Variants in TMC7 observed in about 807,000 individuals in gnomAD.
TMC7 encodes transmembrane channel-like protein 7.
In TMC7, 54 loss-of-function variants were observed where a neutral mutation model predicts 82.9. The observed-to-expected ratio is 0.65, with a 90% CI of 0.52 to 0.82. TMC7 has a LOEUF of 0.82. Among genes scored for constraint, TMC7 ranks in the 40% least tolerant of loss-of-function variants. The pLI, the probability that TMC7 is intolerant of heterozygous loss-of-function variation, is 0.00. For synonymous variants in TMC7, 350 were observed against 337.9 expected, an observed-to-expected ratio of 1.04 and a Z score of -0.39; for missense variants, 820 against 901.2, an observed-to-expected ratio of 0.91 and a Z score of 1.15.
In TMC7 at chr16:19,063,700, T is replaced by C. The variant is rs995779689; in HGVS notation, c.*1857T>C. ...TGTGTGTGTGTGTGTGTGTGTGTGATGAACACAACGAAAACGTACTGCGTT... is the reference window on the plus strand; with the variant it reads ...TGTGTGTGTGTGTGTGTGTGTGTGACGAACACAACGAAAACGTACTGCGTT... On this transcript the variant is annotated 3_prime_UTR_variant, in exon 16 of 16. Transcript: ENST00000304381. The C allele has an allele frequency of 7.1e-6, 1 of 140,836 alleles. No individual in the cohort carries two copies. Among genetic ancestry groups the C allele is most frequent in the African/African-American group, 2.6e-5 (1 of 38,448 alleles). The allele number at this position is 140,836 out of a possible 1,614,324, so 8.7% of individuals were successfully genotyped here. A position where few individuals can be genotyped will look rare whatever the true frequency, so the allele number is the denominator to read the frequency against.
intron 15 of TMC7, among the ~76,000 whole-genome samples, chr16:19,061,114 C>A (rs988787095): frequency 6.6e-6 from 1 of 151,964 alleles, no homozygotes; most frequent in African/African-American, 2.4e-5. Context: ...AGCAATTCTC[C>A]TGCCTCAGCA....
intron 8 of TMC7, among the ~76,000 whole-genome samples, chr16:19,039,092 CTTTTT>C (rs376747652): frequency 7.7e-6 from 1 of 130,450 alleles, no homozygotes; most frequent in Non-Finnish European, 1.6e-5. Context: ...TTTCTTTTTT[CTTTTT>C]TTTTTTTTTT....
chr16:19,015,441 G>A (rs1959635442), intron 2 of TMC7, among the ~76,000 whole-genome samples: 1 of 151,854 alleles, frequency 6.6e-6, no homozygotes, highest in Non-Finnish European at 1.5e-5. Context: ...ATTCCTTTCT[G>A]AGGTTGAATA....
intron 1 of TMC7, among the ~76,000 whole-genome samples, chr16:18,997,359 AGCCACCGTGCCTG>A (rs2039061009): frequency 1.3e-5 from 2 of 151,924 alleles, no homozygotes; most frequent in Admixed American, 6.6e-5. Flanking sequence ...TACAGGTATG[AGCCACCGTGCCTG>A]GCCTTTTTAT....
Position 19,035,817 on chromosome 16 carries a change from G to C in TMC7, c.999G>C (p.Glu333Asp). ...TGAAGCACAGCAGCTTGCGGTACGA[G>C]CTCCGAGTGAGTGCTCCTGAGTTTG... ...ADLKHSSLRY[E>D]LRADLEEERM... The change falls in exon 7 of 16, where the codon GAG (glutamate) becomes GAC (aspartate). Residue 333 changes from glutamate to aspartate, a missense_variant. Transcript: ENST00000304381. 1.9e-6 allele frequency: 3 copies of C among 1,582,958 alleles called. No individual in the cohort carries two copies. Among genetic ancestry groups the C allele is most frequent in the Non-Finnish European group, 2.6e-6 (3 of 1,164,378 alleles).
At chr16:19,042,154 G>C (rs887958411) in intron 9 of TMC7, among the ~76,000 whole-genome samples, 2 of 151,584 alleles carry the variant, frequency 1.3e-5, no homozygotes, top group African/African-American at 4.8e-5. Context: ...GAGGGCGTGG[G>C]TTCGCTCTTT....
chr16:19,015,930 G>A (rs957825120), intron 2 of TMC7, among the ~76,000 whole-genome samples: 1 of 152,088 alleles, frequency 6.6e-6, no homozygotes, highest in African/African-American at 2.4e-5. Context: ...ATGTACCTAG[G>A]AGTGGAACTA....
At chr16:19,032,485 G>T (rs1274357103) in intron 6 of TMC7, among the ~76,000 whole-genome samples, 2 of 151,602 alleles carry the variant, frequency 1.3e-5, no homozygotes, top group East Asian at 1.9e-4. Context: ...GGACCTACAG[G>T]GTAGACAATT....
intron 2 of TMC7, chr16:19,012,357 A>G (rs1250183907): frequency 1.3e-5 from 2 of 152,160 alleles, no homozygotes; most frequent in South Asian, 2.1e-4. Context: ...TTACTGCTCT[A>G]TGCCAAACTC....
intron 13 of TMC7, among the ~76,000 whole-genome samples, chr16:19,053,845 CT>C (rs1298620150): frequency 7.1e-6 from 1 of 140,282 alleles, no homozygotes. Flanking sequence ...TGTGTCTTTT[CT>C]TTCTTTTTTT....
chr16:19,029,343 T>A (rs888836520), intron 5 of TMC7, among the ~76,000 whole-genome samples: 23 of 152,092 alleles, frequency 1.5e-4, no homozygotes, highest in Non-Finnish European at 2.8e-4. Context: ...AGTCCTAATG[T>A]TTTATTCTTT....
At chr16:19,053,855 T>C (rs1269779989) in intron 13 of TMC7, among the ~76,000 whole-genome samples, 4 of 151,696 alleles carry the variant, frequency 2.6e-5, no homozygotes, top group South Asian at 4.2e-4. Context: ...CTTTCTTTTT[T>C]TTTTTTTTTT....
intron 13 of TMC7, among the ~76,000 whole-genome samples, chr16:19,052,554 T>A (rs1596795540): frequency 6.6e-6 from 1 of 152,144 alleles, no homozygotes; most frequent in African/African-American, 2.4e-5. Context: ...GGCTCACACC[T>A]GTAATCCAAC....
chr16:18,984,936 T>G (rs984177851), intron 1 of TMC7, among the ~76,000 whole-genome samples: 2 of 152,212 alleles, frequency 1.3e-5, no homozygotes, highest in African/African-American at 4.8e-5. Context: ...ATGTTTTCTC[T>G]TTTTCAGTTT....
intron 2 of TMC7, among the ~76,000 whole-genome samples, chr16:19,010,751 C>T (rs1055302175): frequency 4.6e-5 from 7 of 152,122 alleles, no homozygotes; most frequent in African/African-American, 1.7e-4. Context: ...CCATAGTCGG[C>T]TGTGGTTGGG....
chr16:18,986,009 G>T (rs569112747), intron 1 of TMC7, among the ~76,000 whole-genome samples: 4 of 151,808 alleles, frequency 2.6e-5, no homozygotes, highest in African/African-American at 9.7e-5. Context: ...CTCCAGCCTG[G>T]GTGACAGAAC....
In TMC7 at chr16:19,017,667, G is replaced by GTT. The variant is rs35738895; in HGVS notation, c.460+1088_460+1089dup. Reference sequence around the variant, plus strand: ...TAAGACCTTGCCTCTTCAAAAAACAGTTTTTTTTTTTTTTTTTTTTGAGAC... The same window carrying GTT: ...TAAGACCTTGCCTCTTCAAAAAACAGTTTTTTTTTTTTTTTTTTTTTTGAGAC... On this transcript the variant is annotated intron_variant, in intron 3 of 15. Coordinates refer to ENST00000304381, the MANE Select transcript of TMC7 (RefSeq NM_024847.4). Among the ~76,000 whole-genome samples, 642 of 111,074 alleles carry GTT rather than the reference G, an allele frequency of 5.8e-3. 9 individuals are homozygous for GTT. Among genetic ancestry groups the GTT allele is most frequent in the East Asian group, 9.3e-3 (35 of 3,778 alleles). The allele number at this position is 111,074 out of a possible 152,430, so 72.9% of individuals were successfully genotyped here.
chr16:19,036,771 A>C (rs753119272), intron 7 of TMC7, among the ~76,000 whole-genome samples: 2 of 152,202 alleles, frequency 1.3e-5, no homozygotes, highest in Admixed American at 1.3e-4. Context: ...GGAGTAAAGA[A>C]TAGCATGTTA....
chr16:19,047,302 C>T (rs1265338524), intron 12 of TMC7, 53 bp downstream of exon 12: 11 of 1,545,792 alleles, frequency 7.1e-6, no homozygotes, highest in Admixed American at 5.5e-5. Flanking sequence ...TTCGACCTTC[C>T]AGGGCACCAA....
Sources: gnomAD v4.1 joint callset for allele counts (sites outside exome capture counted in the v4.1 genomes callset) on GRCh38, gnomAD v4.1.1 for gene constraint, MANE v1.5 for transcripts, NCBI Gene and HGNC (gene_info 2026-07-23, HGNC 2026-07-21) for gene names.